The following MBNL1 variants were observed in gnomAD, a reference collection of about 807,000 sequenced individuals.
The protein encoded by MBNL1 is muscleblind like splicing regulator 1, also known as muscleblind-like protein 1.
A neutral mutation model predicts 42.2 loss-of-function variants in MBNL1; 8 were observed. That is an observed-to-expected ratio of 0.19 (90% CI 0.11 to 0.34). The LOEUF (loss-of-function observed/expected upper bound fraction) is 0.34. Ranked by LOEUF, MBNL1 falls within the 10% of genes least tolerant of loss-of-function variation. MBNL1 has a pLI of 1.00. For synonymous variants in MBNL1, 169 were observed against 173.9 expected (o/e 0.97, Z 0.22); for missense variants, 309 against 495.3 (o/e 0.62, Z 3.57).
intron 2 of MBNL1, among the ~76,000 whole-genome samples, chr3:152,254,803 G>A (rs1314498947): frequency 1.3e-5 from 2 of 152,034 alleles, no homozygotes; most frequent in African/African-American, 4.8e-5. Context: ...ATCATGTCAG[G>A]TGCTTCACAT....
chr3:152,385,352 C>G (rs1348171700), intron 2 of MBNL1, among the ~76,000 whole-genome samples: 1 of 152,008 alleles, frequency 6.6e-6, no homozygotes, highest in African/African-American at 2.4e-5. Context: ...GACTGGTACT[C>G]TCAGATACTT....
At position 152,335,932 on chromosome 3, in the gene MBNL1, C is replaced by T. The variant is rs144363792; in HGVS notation, c.174+35565C>T. On this transcript the variant is annotated intron_variant, in intron 2 of 9. Transcript: ENST00000324210. ...TTTAACAGATTCATTTGACCAACCC[C>T]CTCTCCTCAACTCTTCTTTTTTCAT... Among the ~76,000 whole-genome samples the T allele has an allele frequency of 1.1e-4, 16 of 152,160 alleles. No homozygotes were observed. In the East Asian group the frequency reaches 2.9e-3, roughly 28 times the overall value.
At chr3:152,371,273 C>T (rs1167094852) in intron 2 of MBNL1, among the ~76,000 whole-genome samples, 1 of 152,050 alleles carries the variant, frequency 6.6e-6, no homozygotes, top group Non-Finnish European at 1.5e-5. Flanking sequence ...GTTTGGCTGG[C>T]TCTGAAATTC....
chr3:152,360,264 C>T (rs1224232028), intron 2 of MBNL1, among the ~76,000 whole-genome samples: 1 of 152,156 alleles, frequency 6.6e-6, no homozygotes, highest in Non-Finnish European at 1.5e-5. Context: ...GGAAAAGCAG[C>T]TTCCTTGTTA....
chr3:152,304,065 G>C (rs1355600341), intron 2 of MBNL1, among the ~76,000 whole-genome samples: 5 of 152,058 alleles, frequency 3.3e-5, no homozygotes. Flanking sequence ...ACAATCAAGG[G>C]TGCTGAGAAC....
intron 5 of MBNL1, chr3:152,446,625 C>A: frequency 9.3e-7 from 1 of 1,077,220 alleles, no homozygotes. Flanking sequence ...CCATGATGCA[C>A]CTCTGCTTGC....
At chr3:152,369,804 A>G (rs1452500036) in intron 2 of MBNL1, among the ~76,000 whole-genome samples, 1 of 152,098 alleles carries the variant, frequency 6.6e-6, no homozygotes, top group Non-Finnish European at 1.5e-5. Context: ...GCATAGACGT[A>G]TTTATAGCAT....
intron 2 of MBNL1, chr3:152,335,163 C>T: frequency 7.8e-7 from 1 of 1,289,590 alleles, no homozygotes; most frequent in Non-Finnish European, 1.0e-6. Context: ...CTTTTCATGG[C>T]ACCATGGCAA....
At chr3:152,249,235 C>T (rs1200875142) in intron 2 of MBNL1, among the ~76,000 whole-genome samples, 1 of 125,370 alleles carries the variant, frequency 8.0e-6, no homozygotes, top group Non-Finnish European at 1.7e-5. Context: ...GTCCCACCAA[C>T]AGTGTAAAAG....
chr3:152,245,010 TA>T (rs1013765852), intron 2 of MBNL1, among the ~76,000 whole-genome samples: 12 of 152,094 alleles, frequency 7.9e-5, no homozygotes, highest in African/African-American at 2.9e-4. Flanking sequence ...CAGCATGACT[TA>T]AAATTTTAAA....
chr3:152,283,157 A>T (rs1448322839), intron 1 of MBNL1, among the ~76,000 whole-genome samples: 1 of 152,184 alleles, frequency 6.6e-6, no homozygotes, highest in Non-Finnish European at 1.5e-5. Context: ...AACTGCAGTA[A>T]CTGAGTTTTT....
chr3:152,412,746 G>A, intron 2 of MBNL1, among the ~76,000 whole-genome samples: 1 of 151,304 alleles, frequency 6.6e-6, no homozygotes, highest in African/African-American at 2.4e-5. Context: ...TTCAAGGAAG[G>A]TACTGGAATG....
chr3:152,367,358 C>A (rs2096448098), intron 2 of MBNL1, among the ~76,000 whole-genome samples: 1 of 152,154 alleles, frequency 6.6e-6, no homozygotes, highest in Non-Finnish European at 1.5e-5. Flanking sequence ...GATATGAAGT[C>A]ATCCTTTTTT....
At chr3:152,395,461 T>C (rs2097890455) in intron 2 of MBNL1, among the ~76,000 whole-genome samples, 1 of 152,212 alleles carries the variant, frequency 6.6e-6, no homozygotes. Flanking sequence ...CAGAAGACAT[T>C]TGTGTGCTAG....
intron 4 of MBNL1, among the ~76,000 whole-genome samples, chr3:152,441,597 C>A (rs1448731100): frequency 6.6e-6 from 1 of 152,010 alleles, no homozygotes; most frequent in East Asian, 1.9e-4. Context: ...ATTATGTTTT[C>A]TTTTGATTAT....
chr3:152,272,039 T>C lies in MBNL1; in HGVS notation c.-790+2947T>C, dbSNP rs551897953. ...ACTAGATTAACTTCACCTGTTTCTT[T>C]TCTCTCTCTCTCTCTCTCTCTCTCT... On this transcript the variant is annotated intron_variant, in intron 1 of 9. Coordinates refer to ENST00000324210, the MANE Select transcript of MBNL1 (RefSeq NM_021038.5). Among the ~76,000 whole-genome samples, 477 of 147,818 alleles carry C rather than the reference T, an allele frequency of 3.2e-3. 10 individuals carry two copies. Among genetic ancestry groups the C allele is most frequent in the Non-Finnish European group, 1.1e-3 (76 of 67,046 alleles).
At chr3:152,302,920 A>G (rs2061330539) in intron 2 of MBNL1, among the ~76,000 whole-genome samples, 1 of 152,090 alleles carries the variant, frequency 6.6e-6, no homozygotes, top group Admixed American at 6.6e-5. Flanking sequence ...ACCCTATGAA[A>G]TGGCTGTACC....
At chr3:152,444,996 T>C (rs1255898784) in intron 4 of MBNL1, among the ~76,000 whole-genome samples, 6 of 152,220 alleles carry the variant, frequency 3.9e-5, no homozygotes, top group Non-Finnish European at 7.3e-5. Context: ...TGTGAAGTTA[T>C]TATTTTTCCC....
chr3:152,305,778 G>T (rs1405779581), intron 2 of MBNL1, among the ~76,000 whole-genome samples: 1 of 152,196 alleles, frequency 6.6e-6, no homozygotes, highest in Non-Finnish European at 1.5e-5. Context: ...CTTGATTCTA[G>T]TGAGGACTTA....
Sources: allele counts gnomAD v4.1 joint callset (sites outside exome capture counted in the v4.1 genomes callset), GRCh38; gene constraint gnomAD v4.1.1; transcripts MANE v1.5; gene names NCBI Gene and HGNC (gene_info 2026-07-23, HGNC 2026-07-21).